Variants in ALPK1 observed in about 807,000 individuals in gnomAD.
The protein encoded by ALPK1 is alpha-protein kinase 1.
A neutral mutation model predicts 120.6 loss-of-function variants in ALPK1; 110 were observed. That is an observed-to-expected ratio of 0.91 (90% CI 0.78 to 1.07). The LOEUF is 1.07. ALPK1 is among the 50% of genes least tolerant of loss of function. ALPK1 has a pLI of 0.00. For missense variants in ALPK1, 1,498 were observed against 1,483.9 expected, an observed-to-expected ratio of 1.01 and a Z score of -0.16; for synonymous variants, 582 against 560.3, an observed-to-expected ratio of 1.04 and a Z score of -0.55.
At chr4:112,373,301 T>C (rs1212633453) in intron 2 of ALPK1, among the ~76,000 whole-genome samples, 1 of 152,252 alleles carries the variant, frequency 6.6e-6, no homozygotes, top group Non-Finnish European at 1.5e-5. Flanking sequence ...AATGAACATA[T>C]GCTCCTGTAC....
At position 112,435,317 on chromosome 4, in the gene ALPK1, A is replaced by T. The variant is rs1224963131; in HGVS notation, c.3188+16A>T. 1.2e-6 allele frequency: 2 copies of T among 1,603,214 alleles called. No individual in the cohort carries two copies. The highest frequency in any genetic ancestry group is 8.5e-7 in the Non-Finnish European group (1 of 1,175,870). On this transcript the variant is annotated intron_variant, in intron 12 of 15. Coordinates refer to ENST00000650871, the MANE Select transcript of ALPK1 (RefSeq NM_025144.4). ...TTCTGGGGAGGTATTACTTAAAAAC[A>T]TTTGTATAACTAATGTAAGATGAGC...
intron 2 of ALPK1, among the ~76,000 whole-genome samples, chr4:112,344,862 C>T (rs1730037542): frequency 6.6e-6 from 1 of 152,224 alleles, no homozygotes; most frequent in Admixed American, 6.5e-5. Context: ...CCCTCTCCAC[C>T]TTGTCTTTTG....
intron 2 of ALPK1, chr4:112,356,109 C>T: frequency 2.1e-6 from 3 of 1,402,232 alleles, no homozygotes. Context: ...CAGCCACCCT[C>T]TGTGCCCTCC....
At chr4:112,428,601 C>G (rs956221025) in intron 9 of ALPK1, among the ~76,000 whole-genome samples, 1 of 152,132 alleles carries the variant, frequency 6.6e-6, no homozygotes, top group African/African-American at 2.4e-5. Flanking sequence ...TCCCTAACCC[C>G]TTCTCCATTT....
chr4:112,305,447 C>T (rs1429323902), intron 1 of ALPK1, among the ~76,000 whole-genome samples: 1 of 151,984 alleles, frequency 6.6e-6, no homozygotes, highest in African/African-American at 2.4e-5. Flanking sequence ...TTGTAGTTCT[C>T]CTTGAAGAGG....
At chr4:112,418,370 C>G (rs567516206) in intron 5 of ALPK1, among the ~76,000 whole-genome samples, 1 of 152,198 alleles carries the variant, frequency 6.6e-6, no homozygotes, top group Non-Finnish European at 1.5e-5. Flanking sequence ...ACCAGAGGAG[C>G]CTAACTGACA....
intron 3 of ALPK1, among the ~76,000 whole-genome samples, chr4:112,380,880 A>G (rs973612323): frequency 6.6e-6 from 1 of 152,144 alleles, no homozygotes; most frequent in African/African-American, 2.4e-5. Context: ...TGATGGCTGA[A>G]AAGAGCCTGC....
At position 112,432,359 on chromosome 4, in the gene ALPK1, T is replaced by G. The variant is rs1734604631; in HGVS notation, c.2812T>G (p.Ser938Ala). The G allele has an allele frequency of 6.2e-7, 1 of 1,613,948 alleles. No homozygotes were observed. The highest frequency in any genetic ancestry group is 1.3e-5 in the African/African-American group (1 of 74,926). The change falls in exon 11 of 16, where the codon TCC becomes GCC. Residue 938 changes from serine to alanine, a missense_variant. By Grantham distance (99) the Ser-to-Ala change is moderately conservative (BLOSUM62 1). Coordinates refer to ENST00000650871, the MANE Select transcript of ALPK1 (RefSeq NM_025144.4). ...SVWWLKSPAF[S>A]SGSSEGDSPW... ...GTGGTGGCTGAAATCACCTGCATTTTCCAGTGGTTCTTCTGAGGGGGACAG... is the reference window on the plus strand; with the variant it reads ...GTGGTGGCTGAAATCACCTGCATTTGCCAGTGGTTCTTCTGAGGGGGACAG...
At chr4:112,398,286 AAATTTTTTT>A (rs937278440) in intron 4 of ALPK1, among the ~76,000 whole-genome samples, 3 of 152,130 alleles carry the variant, frequency 2.0e-5, no homozygotes, top group African/African-American at 7.2e-5. Context: ...TAACAGACTT[AAATTTTTTT>A]AATTTTTTTA....
At chr4:112,332,870 A>G (rs1453707894) in intron 2 of ALPK1, among the ~76,000 whole-genome samples, 1 of 152,170 alleles carries the variant, frequency 6.6e-6, no homozygotes, top group Non-Finnish European at 1.5e-5. Flanking sequence ...TAACTATTTT[A>G]GTTTCTTCAT....
rs139365377 is a variant in ALPK1 at position 112,310,772 on chromosome 4, T to C, written c.-152-5029T>C. 4.0e-3 allele frequency among the ~76,000 whole-genome samples: 615 copies of C among 152,178 alleles called. 8 individuals carry two copies. Among genetic ancestry groups the C allele is most frequent in the African/African-American group, 0.013 (551 of 41,468 alleles). ...TTTTCCTTAAGTTTTTTTTGATAATTAAATGAGTTAATATATTAAGACCCT... is the reference window on the plus strand; with the variant it reads ...TTTTCCTTAAGTTTTTTTTGATAATCAAATGAGTTAATATATTAAGACCCT... On this transcript the variant is annotated intron_variant, in intron 1 of 15. Transcript: ENST00000650871.
intron 2 of ALPK1, chr4:112,356,822 G>A: frequency 4.1e-6 from 3 of 726,508 alleles, no homozygotes; most frequent in Non-Finnish European, 7.8e-6. Flanking sequence ...GTTGTTGGAT[G>A]CCAAGAGCCG....
chr4:112,319,142 C>A (rs1197535367), intron 2 of ALPK1, among the ~76,000 whole-genome samples: 2 of 152,096 alleles, frequency 1.3e-5, no homozygotes, highest in Non-Finnish European at 2.9e-5. Flanking sequence ...GGCTAGTGGT[C>A]CAAACTAAAC....
In ALPK1 at chr4:112,423,486, A is replaced by G. The variant is rs1734091273; in HGVS notation, c.476-458A>G. Reference sequence around the variant, plus strand: ...GGTGTCCATAGAATAGGCCCTTCCTATGTGGTAGTAACAAAAATAAGTAAA... The same window carrying G: ...GGTGTCCATAGAATAGGCCCTTCCTGTGTGGTAGTAACAAAAATAAGTAAA... On this transcript the variant is annotated intron_variant, in intron 5 of 15. Coordinates refer to ENST00000650871, the MANE Select transcript of ALPK1 (RefSeq NM_025144.4). Among the ~76,000 whole-genome samples, 3 of 152,210 alleles carry G rather than the reference A, an allele frequency of 2.0e-5. No homozygotes were observed. In the South Asian group the frequency reaches 6.2e-4, roughly 31 times the overall value.
chr4:112,403,502 C>T (rs1172477683), intron 4 of ALPK1, among the ~76,000 whole-genome samples: 2 of 152,130 alleles, frequency 1.3e-5, no homozygotes, highest in Non-Finnish European at 2.9e-5. Context: ...GAGAGAGATG[C>T]GAGAGGTTTG....
At chr4:112,329,604 G>C (rs1022413825) in intron 2 of ALPK1, among the ~76,000 whole-genome samples, 1 of 152,206 alleles carries the variant, frequency 6.6e-6, no homozygotes, top group African/African-American at 2.4e-5. Context: ...GAAATTATAA[G>C]ATGTTATCTA....
At chr4:112,346,626 C>T (rs910358814) in intron 2 of ALPK1, among the ~76,000 whole-genome samples, 1 of 152,190 alleles carries the variant, frequency 6.6e-6, no homozygotes, top group African/African-American at 2.4e-5. Context: ...GTCATTTGGC[C>T]TACTCTTTCC....
chr4:112,338,334 A>C (rs529618073), intron 2 of ALPK1, among the ~76,000 whole-genome samples: 1 of 152,328 alleles, frequency 6.6e-6, no homozygotes, highest in Admixed American at 6.5e-5. Flanking sequence ...TTTGAGTAAA[A>C]TATCTTGAAT....
In ALPK1 at chr4:112,376,238, C is replaced by A. The variant is rs149703906; in HGVS notation, c.-100-1440C>A. 7.9e-3 allele frequency among the ~76,000 whole-genome samples: 1,208 copies of A among 152,342 alleles called. 20 individuals carry two copies. Among genetic ancestry groups the A allele is most frequent in the African/African-American group, 0.028 (1,151 of 41,574 alleles). ...CTCTTAGTGACTAATTCCTCAGTAT[C>A]TCACTTAAGTGAATGCCCTTTCAAG... On this transcript the variant is annotated intron_variant, in intron 2 of 15. Coordinates refer to ENST00000650871, the MANE Select transcript of ALPK1 (RefSeq NM_025144.4).
Sources: allele counts gnomAD v4.1 joint callset (sites outside exome capture counted in the v4.1 genomes callset), GRCh38; gene constraint gnomAD v4.1.1; transcripts MANE v1.5; gene names NCBI Gene and HGNC (gene_info 2026-07-23, HGNC 2026-07-21).